SLC2A14: variants seen among roughly 807,000 people sequenced by gnomAD.
The protein encoded by SLC2A14 is solute carrier family 2 member 14.
SLC2A14 carries 13 observed loss-of-function variants against 43.0 expected under a neutral mutation model. The ratio of observed to expected loss-of-function variants is 0.30; its 90% CI spans 0.20 to 0.48. The LOEUF is 0.48. Among genes scored for constraint, SLC2A14 ranks in the 20% least tolerant of loss-of-function variants. SLC2A14 has a pLI of 0.99. For synonymous variants in SLC2A14, 190 were observed against 233.8 expected (o/e 0.81, Z 1.71); for missense variants, 428 against 620.4 (o/e 0.69, Z 3.29).
intron 6 of SLC2A14, among the ~76,000 whole-genome samples, chr12:7,828,462 C>T (rs932290474): frequency 6.6e-6 from 1 of 151,764 alleles, no homozygotes; most frequent in South Asian, 2.1e-4. Flanking sequence ...GCAGGAGAAT[C>T]GCTTAGAACC....
rs373883638 is a variant in SLC2A14, at chr12:7,889,397, G to A, written c.132+1599C>T. ...ATTACAGGCATGCACCATCACGCCCGGCTAATTTTGTATTTTTAGTAGAGA... is the reference window on the plus strand; with the variant it reads ...ATTACAGGCATGCACCATCACGCCCAGCTAATTTTGTATTTTTAGTAGAGA... On this transcript the variant is annotated intron_variant, in intron 1 of 9. Coordinates refer to the SLC2A14 transcript ENST00000539924. Among the ~76,000 whole-genome samples the A allele has an allele frequency of 3.6e-4, 55 of 151,586 alleles. 1 individual carries two copies. In the South Asian group the frequency reaches 7.7e-3, roughly 21 times the overall value.
chr12:7,846,880 C>A (rs1232354558), intron 2 of SLC2A14, among the ~76,000 whole-genome samples: 1 of 151,668 alleles, frequency 6.6e-6, no homozygotes, highest in Non-Finnish European at 1.5e-5. Flanking sequence ...GATCCACCTG[C>A]CCTGGCCTCC....
At position 7,826,858 on chromosome 12, in the gene SLC2A14, C is replaced by CTTTCTT. The variant is rs1260759946; in HGVS notation, c.864+636_864+637insAAGAAA. Among the ~76,000 whole-genome samples the CTTTCTT allele has an allele frequency of 2.5e-3, 106 of 43,230 alleles. 8 individuals are homozygous for CTTTCTT. The highest frequency in any genetic ancestry group is 3.5e-3 in the East Asian group (6 of 1,730). 28.4% of individuals were successfully genotyped at this position (43,230 alleles called of 152,430 possible). A position where few individuals can be genotyped will look rare whatever the true frequency, so the allele number is the denominator to read the frequency against. ...CTTTCCTTCCTTCCTTCCTTCCTTTCTTTTTTCTTTCTTTCTTTCTTTCTT... is the reference window on the plus strand; with the variant it reads ...CTTTCCTTCCTTCCTTCCTTCCTTTCTTTCTTTTTTTTCTTTCTTTCTTTCTTTCTT... On this transcript the variant is annotated intron_variant, in intron 7 of 10. Transcript: ENST00000431042.
rs113108059 is a variant in SLC2A14 at position 7,870,873 on chromosome 12, GC to G, written c.-57-937del. ...CAAAATGTTCAGCAAGTGGACCAAA[GC>G]CAAGACCACCAAGAAGCGACCACAG... is the stretch of plus-strand genomic sequence containing the variant. On this transcript the variant is annotated intron_variant, in intron 1 of 10. Coordinates refer to ENST00000431042, the MANE Select transcript of SLC2A14 (RefSeq NM_001286234.2). The G allele has an allele frequency of 4.7e-3, 5,960 of 1,274,184 alleles. 232 individuals carry two copies. The South Asian group carries it at 0.069, about 15-fold the overall frequency. The allele number at this position is 1,274,184 out of a possible 1,614,324, so 78.9% of individuals were successfully genotyped here.
chr12:7,838,286 C>T lies in SLC2A14; in HGVS notation c.19-5472G>A, dbSNP rs112272235. ...CATTTTTAGTAGAGACAGGGTTTCACCATATTGGCCAGGCTGGTCTTGAAC... is the reference window on the plus strand; with the variant it reads ...CATTTTTAGTAGAGACAGGGTTTCATCATATTGGCCAGGCTGGTCTTGAAC... On this transcript the variant is annotated intron_variant, in intron 2 of 10. Transcript: ENST00000431042. Among the ~76,000 whole-genome samples the T allele has an allele frequency of 3.3e-3, 505 of 151,450 alleles. 1 individual carries two copies. The highest frequency in any genetic ancestry group is 0.011 in the African/African-American group (462 of 41,262).
chr12:7,868,926 C>T (rs1945071239), intron 2 of SLC2A14, among the ~76,000 whole-genome samples: 1 of 152,034 alleles, frequency 6.6e-6, no homozygotes, highest in South Asian at 2.1e-4. Context: ...GGGCAGATCA[C>T]CTGAGGTCGG....
Position 7,827,087 on chromosome 12 carries a change from CTT to C in SLC2A14, c.864+406_864+407del, listed in dbSNP as rs1279263935. On this transcript the variant is annotated intron_variant, in intron 7 of 10. Coordinates refer to ENST00000431042, the MANE Select transcript of SLC2A14 (RefSeq NM_001286234.2). ...TTTCTCTCTCTCTCTTTCTTTCTTT[CTT>C]TCTTTCTCTTTCTTTCTTTCTTTCT... Among the ~76,000 whole-genome samples the C allele has an allele frequency of 1.6e-4, 17 of 108,580 alleles. 1 individual carries two copies. Among genetic ancestry groups the C allele is most frequent in the African/African-American group, 3.2e-4 (9 of 27,758 alleles). The allele number at this position is 108,580 out of a possible 152,430, so 71.2% of individuals were successfully genotyped here.
At chr12:7,830,647 G>T (rs758327736) in intron 4 of SLC2A14, among the ~76,000 whole-genome samples, 1 of 151,702 alleles carries the variant, frequency 6.6e-6, no homozygotes, top group Non-Finnish European at 1.5e-5. Flanking sequence ...TGGGCAGAGG[G>T]AGGGCAGAGG....
Position 7,869,773 on chromosome 12 carries a change from A to G in SLC2A14, c.18+90T>C, listed in dbSNP as rs142564476. 4.6e-4 allele frequency: 382 copies of G among 825,448 alleles called. 2 individuals are homozygous for G. In the African/African-American group the frequency reaches 5.6e-3, roughly 12 times the overall value. 51.1% of individuals were successfully genotyped at this position (825,448 alleles called of 1,614,324 possible). A position where few individuals can be genotyped will look rare whatever the true frequency, so the allele number is the denominator to read the frequency against. On this transcript the variant is annotated intron_variant, in intron 2 of 10. Coordinates refer to ENST00000431042, the MANE Select transcript of SLC2A14 (RefSeq NM_001286234.2). ...TACGTATATTACACATTATCAAGAC[A>G]TGAAAAGTTTAGGAAGATGATAGGT...
At chr12:7,826,106 C>T (rs1485946257) in intron 7 of SLC2A14, among the ~76,000 whole-genome samples, 1 of 152,014 alleles carries the variant, frequency 6.6e-6, no homozygotes, top group Admixed American at 6.6e-5. Flanking sequence ...CTCGGGAGCA[C>T]ATTTTTCTCC....
rs763217907 is a variant in SLC2A14 at position 7,838,182 on chromosome 12, C to G, written c.19-5368G>C. Reference sequence around the variant, plus strand: ...GGCTTACTGCAACCTCCACCTCCCACGTTCAAGTGATTCTCCTGCCTCAGC... The same window carrying G: ...GGCTTACTGCAACCTCCACCTCCCAGGTTCAAGTGATTCTCCTGCCTCAGC... On this transcript the variant is annotated intron_variant, in intron 2 of 10. Transcript: ENST00000431042. Among the ~76,000 whole-genome samples, 17 of 151,940 alleles carry G rather than the reference C, an allele frequency of 1.1e-4. No individual in the cohort carries two copies. The South Asian group carries it at 3.3e-3, about 30-fold the overall frequency.
rs375405776 is a variant in SLC2A14, at chr12:7,848,356, T to C, written c.19-15542A>G. Among the ~76,000 whole-genome samples, 62 of 150,764 alleles carry C rather than the reference T, an allele frequency of 4.1e-4. 1 individual carries two copies. The East Asian group carries it at 6.6e-3, about 16-fold the overall frequency. ...CTGTTCTCCTGCCATCTCTTCAATATTTGTATCTCAGATTGTCTTTTTTTT... is the reference window on the plus strand; with the variant it reads ...CTGTTCTCCTGCCATCTCTTCAATACTTGTATCTCAGATTGTCTTTTTTTT... On this transcript the variant is annotated intron_variant, in intron 2 of 10. Coordinates refer to ENST00000431042, the MANE Select transcript of SLC2A14 (RefSeq NM_001286234.2).
chr12:7,889,547 T>C lies in SLC2A14; in HGVS notation c.132+1449A>G, dbSNP rs4376980. 4.7e-5 allele frequency among the ~76,000 whole-genome samples: 7 copies of C among 149,782 alleles called. No individual in the cohort carries two copies. In the South Asian group the frequency reaches 1.5e-3, roughly 32 times the overall value. ...CGTGCCTGACCTGGTTCCCCCTTTT[T>C]TTTTTGAGATGGAGTTTTGCTCTTG... On this transcript the variant is annotated intron_variant, in intron 1 of 9. Transcript: ENST00000539924.
intron 1 of SLC2A14, chr12:7,871,369 T>C: frequency 1.8e-6 from 1 of 541,016 alleles, no homozygotes. Context: ...AGGGCAAAGA[T>C]GACTAGGCCA....
At chr12:7,873,292 G>A, upstream of SLC2A14, 1 of 985,584 alleles carries the variant, frequency 1.0e-6, no homozygotes, top group Non-Finnish European at 1.2e-6. Context: ...TAGTGCCCGG[G>A]CTATCCCCGC....
intron 1 of SLC2A14, among the ~76,000 whole-genome samples, chr12:7,879,599 G>A (rs529140817): frequency 2.6e-5 from 4 of 151,956 alleles, no homozygotes; most frequent in Admixed American, 6.6e-5. Flanking sequence ...CAGGAGAATC[G>A]CTTGAACCCT....
intron 2 of SLC2A14, among the ~76,000 whole-genome samples, chr12:7,858,353 T>C (rs542195918): frequency 1.9e-3 from 296 of 152,248 alleles, no homozygotes; most frequent in Middle Eastern, 0.017. Flanking sequence ...AAATGGGTTG[T>C]ATTTTATTAC....
intron 2 of SLC2A14, among the ~76,000 whole-genome samples, chr12:7,855,018 G>A (rs926501421): frequency 6.6e-6 from 1 of 151,798 alleles, no homozygotes; most frequent in Non-Finnish European, 1.5e-5. Context: ...CCATGTTGGC[G>A]AGGCTGGTCT....
At chr12:7,826,939 T>G (rs1864487600) in intron 7 of SLC2A14, among the ~76,000 whole-genome samples, 1 of 143,220 alleles carries the variant, frequency 7.0e-6, no homozygotes, top group African/African-American at 2.6e-5. Context: ...TCCTTTCCTT[T>G]CCTTTCTTTC....
Sources: allele counts gnomAD v4.1 joint callset (sites outside exome capture counted in the v4.1 genomes callset), GRCh38; gene constraint gnomAD v4.1.1; transcripts MANE v1.5; gene names NCBI Gene and HGNC (gene_info 2026-07-23, HGNC 2026-07-21).